Variants in S100A8 observed in about 807,000 individuals in gnomAD.
The protein encoded by S100A8 is S100 calcium binding protein A8, also known as protein S100-A8.
S100A8 carries 1 observed loss-of-function variant against 4.2 expected under a neutral mutation model. That is an observed-to-expected ratio of 0.24 (90% CI 0.08 to 1.12). S100A8 has a LOEUF of 1.12. Among genes scored for constraint, S100A8 ranks in the 50% most tolerant of loss-of-function variants. S100A8 has a pLI of 0.53. For synonymous variants in S100A8, 41 were observed against 44.7 expected (o/e 0.92, Z 0.33); for missense variants, 96 against 111.8 (o/e 0.86, Z 0.64).
At chr1:153,409,434 T>C in the S100A8 span, among the ~76,000 whole-genome samples, 1 of 152,184 alleles carries the variant, frequency 6.6e-6, no homozygotes, top group Non-Finnish European at 1.5e-5. Context: ...CTAACTATCC[T>C]AAATATATAT....
the S100A8 span, among the ~76,000 whole-genome samples, chr1:153,417,452 A>G: frequency 6.6e-6 from 1 of 152,014 alleles, no homozygotes; most frequent in South Asian, 2.1e-4. Context: ...TCTCATTCCC[A>G]AGGGAATGTA....
the S100A8 span, among the ~76,000 whole-genome samples, chr1:153,404,562 C>T: frequency 6.6e-6 from 1 of 152,300 alleles, no homozygotes; most frequent in South Asian, 2.1e-4. Flanking sequence ...ACCAAATGTC[C>T]ATTTCGTATC....
In S100A8 at chr1:153,390,068, G is replaced by A; in HGVS notation, c.*35C>T. 6.3e-7 allele frequency: 1 copy of A among 1,585,130 alleles called. No homozygotes were observed. Among genetic ancestry groups the A allele is most frequent in the Non-Finnish European group, 8.6e-7 (1 of 1,163,684 alleles). Reference sequence around the variant, plus strand: ...TGACTTTATTATTCTGCAGGTACATGTCCAGGGGCCCAGCCTCTGGGCCCA... The same window carrying A: ...TGACTTTATTATTCTGCAGGTACATATCCAGGGGCCCAGCCTCTGGGCCCA... On this transcript the variant is annotated 3_prime_UTR_variant, in exon 3 of 3. Coordinates refer to ENST00000368733, the MANE Select transcript of S100A8 (RefSeq NM_002964.5).
At chr1:153,419,100 G>T in the S100A8 span, 2 of 1,601,718 alleles carry the variant, frequency 1.2e-6, no homozygotes, top group Non-Finnish European at 1.7e-6. Context: ...CCCAAAACTT[G>T]TTTGTGATTG....
the S100A8 span, among the ~76,000 whole-genome samples, chr1:153,402,083 C>T: frequency 6.6e-6 from 1 of 152,106 alleles, no homozygotes; most frequent in Admixed American, 6.5e-5. Context: ...ACATTATTGC[C>T]GTGTAGAGAA....
chr1:153,395,536 ACCT>A (rs1662194528), upstream of S100A8, among the ~76,000 whole-genome samples: 1 of 151,720 alleles, frequency 6.6e-6, no homozygotes, highest in Non-Finnish European at 1.5e-5. Context: ...GAAGCTGTTT[ACCT>A]CCTCGTCACA....
At chr1:153,403,793 T>C in the S100A8 span, among the ~76,000 whole-genome samples, 1 of 152,302 alleles carries the variant, frequency 6.6e-6, no homozygotes, top group Non-Finnish European at 1.5e-5. Flanking sequence ...TTCCTTTTTT[T>C]AAAATCCCCA....
chr1:153,419,354 T>C, the S100A8 span: 3 of 1,574,816 alleles, frequency 1.9e-6, no homozygotes, highest in Non-Finnish European at 2.6e-6. Flanking sequence ...GAACAATAAG[T>C]GTCTCCTCCC....
the S100A8 span, among the ~76,000 whole-genome samples, chr1:153,418,577 TACTGG>T: frequency 1.3e-5 from 2 of 152,058 alleles, no homozygotes; most frequent in Non-Finnish European, 2.9e-5. Flanking sequence ...TCCCTGAGAT[TACTGG>T]GAAAGCACTA....
the S100A8 span, among the ~76,000 whole-genome samples, chr1:153,410,849 C>A: frequency 6.6e-6 from 1 of 151,996 alleles, no homozygotes; most frequent in African/African-American, 2.4e-5. Context: ...AAATGTAATC[C>A]GTCATATAAA....
upstream of S100A8, among the ~76,000 whole-genome samples, chr1:153,392,048 C>T (rs1331466379): frequency 6.6e-6 from 1 of 152,188 alleles, no homozygotes; most frequent in Non-Finnish European, 1.5e-5. Flanking sequence ...ACCTTGAAGA[C>T]TGTGGTGTGT....
chr1:153,391,755 G>T (rs1451547137), upstream of S100A8, among the ~76,000 whole-genome samples: 1 of 152,190 alleles, frequency 6.6e-6, no homozygotes, highest in Non-Finnish European at 1.5e-5. Context: ...GATGGAGGCT[G>T]CTTGGGGTCC....
chr1:153,421,786 C>T, the S100A8 span: 1 of 152,150 alleles, frequency 6.6e-6, no homozygotes, highest in African/African-American at 2.4e-5. Context: ...GTGGGCCTGC[C>T]CTCCCTTTAT....
chr1:153,416,823 G>A, the S100A8 span, among the ~76,000 whole-genome samples: 2 of 152,236 alleles, frequency 1.3e-5, no homozygotes, highest in African/African-American at 4.8e-5. Flanking sequence ...AGTGGGACCT[G>A]AGCACAGGAC....
the S100A8 span, among the ~76,000 whole-genome samples, chr1:153,401,721 T>G: frequency 6.6e-6 from 1 of 152,094 alleles, no homozygotes; most frequent in Non-Finnish European, 1.5e-5. Flanking sequence ...ACCTCAAGAA[T>G]TGGAAATACT....
the S100A8 span, chr1:153,420,294 C>A: frequency 6.6e-6 from 1 of 152,294 alleles, no homozygotes. Context: ...TAGCAGTGCA[C>A]TGGCGGGTCT....
chr1:153,408,019 A>G, the S100A8 span, among the ~76,000 whole-genome samples: 1 of 152,230 alleles, frequency 6.6e-6, no homozygotes, highest in South Asian at 2.1e-4. Context: ...GATGGGGAGA[A>G]GCCAGAGCAG....
the S100A8 span, among the ~76,000 whole-genome samples, chr1:153,409,659 T>G: frequency 6.6e-6 from 1 of 152,222 alleles, no homozygotes. Context: ...CAACAGAATA[T>G]GCATTCTTCT....
At chr1:153,410,295 G>A in the S100A8 span, among the ~76,000 whole-genome samples, 1 of 152,060 alleles carries the variant, frequency 6.6e-6, no homozygotes, top group Non-Finnish European at 1.5e-5. Context: ...TGACAAAGGG[G>A]ATATCACCAC....
Sources: gnomAD v4.1 joint callset for allele counts (sites outside exome capture counted in the v4.1 genomes callset) on GRCh38, gnomAD v4.1.1 for gene constraint, MANE v1.5 for transcripts, NCBI Gene and HGNC (gene_info 2026-07-23, HGNC 2026-07-21) for gene names.